CPED1: variants seen among roughly 807,000 people sequenced by gnomAD.
The protein encoded by CPED1 is cadherin-like and PC-esterase domain-containing protein 1.
In CPED1, 114 loss-of-function variants were observed where a neutral mutation model predicts 128.2. That is an observed-to-expected ratio of 0.89 (90% CI 0.76 to 1.04). The LOEUF (loss-of-function observed/expected upper bound fraction) is 1.04. Ranked by LOEUF, CPED1 falls within the 50% of genes least tolerant of loss-of-function variation. The probability of loss-of-function intolerance (pLI) is 0.00; values close to 1 mark genes in which losing one functional copy is unlikely to be tolerated. For synonymous variants in CPED1, 462 were observed against 426.7 expected (o/e 1.08, Z -1.02); for missense variants, 1,211 against 1,207.1 (o/e 1.00, Z -0.05).
chr7:121,078,518 A>C (rs1794195705), intron 5 of CPED1, among the ~76,000 whole-genome samples: 1 of 106,530 alleles, frequency 9.4e-6, no homozygotes, highest in East Asian at 3.5e-4. Context: ...AAAAAAAAAA[A>C]AAAAAAAGAC....
intron 18 of CPED1, 87 bp from the exon 19 acceptor site, chr7:121,266,140 G>A (rs1792117909): frequency 2.0e-6 from 2 of 979,530 alleles, no homozygotes; most frequent in Admixed American, 1.8e-5. Flanking sequence ...GTAGTAGTGT[G>A]AATATTCAAA....
chr7:121,127,308 A>G (rs756701121), intron 10 of CPED1, 51 bp downstream of exon 10: 2 of 1,175,576 alleles, frequency 1.7e-6, no homozygotes, highest in Admixed American at 4.6e-5. Flanking sequence ...CATTCCTTAG[A>G]AGGTGTCATT....
At chr7:121,200,797 C>G (rs764704034) in intron 16 of CPED1, among the ~76,000 whole-genome samples, 1 of 152,070 alleles carries the variant, frequency 6.6e-6, no homozygotes, top group Non-Finnish European at 1.5e-5. Flanking sequence ...ACAAACTTCT[C>G]TAGCCCAAGA....
At chr7:121,073,472 T>C (rs1344250115) in intron 5 of CPED1, among the ~76,000 whole-genome samples, 1 of 152,182 alleles carries the variant, frequency 6.6e-6, no homozygotes, top group African/African-American at 2.4e-5. Context: ...CTTTTTTGCT[T>C]TTTCATTTCT....
rs116212998 is a variant in CPED1, at chr7:121,231,107, A to G, written c.2056-5607A>G. Among the ~76,000 whole-genome samples the G allele has an allele frequency of 7.0e-3, 1,065 of 152,200 alleles. 12 individuals carry two copies. Among genetic ancestry groups the G allele is most frequent in the African/African-American group, 0.025 (1,023 of 41,546 alleles). Reference sequence around the variant, plus strand: ...AATGCAAAGTAAGAGCACTAAGGGCATGACTATAGAAAAGGTCAGACCTTA... The same window carrying G: ...AATGCAAAGTAAGAGCACTAAGGGCGTGACTATAGAAAAGGTCAGACCTTA... On this transcript the variant is annotated intron_variant, in intron 16 of 22. Coordinates refer to ENST00000310396, the MANE Select transcript of CPED1 (RefSeq NM_024913.5).
chr7:121,122,200 G>T (rs546541387), intron 7 of CPED1, among the ~76,000 whole-genome samples: 1 of 140,062 alleles, frequency 7.1e-6, no homozygotes, highest in Admixed American at 7.7e-5. Flanking sequence ...CAGTGCATTG[G>T]TGTGATCTCG....
At chr7:121,220,035 T>G (rs1007365647) in intron 16 of CPED1, among the ~76,000 whole-genome samples, 7 of 152,178 alleles carry the variant, frequency 4.6e-5, no homozygotes, top group Middle Eastern at 3.4e-3. Context: ...TTCCTACTCC[T>G]CAGTAAAGAT....
At chr7:120,996,924 T>C (rs1295867518) in intron 2 of CPED1, among the ~76,000 whole-genome samples, 1 of 152,184 alleles carries the variant, frequency 6.6e-6, no homozygotes, top group African/African-American at 2.4e-5. Context: ...GCGCACTCAA[T>C]TGAGTAGAAA....
intron 16 of CPED1, among the ~76,000 whole-genome samples, chr7:121,214,158 G>A (rs1024834864): frequency 3.9e-5 from 6 of 152,046 alleles, no homozygotes; most frequent in African/African-American, 1.4e-4. Flanking sequence ...CTACAGAAGT[G>A]ATGTATTTCT....
intron 3 of CPED1, among the ~76,000 whole-genome samples, chr7:121,029,507 T>C (rs1291545599): frequency 6.6e-6 from 1 of 152,204 alleles, no homozygotes; most frequent in Non-Finnish European, 1.5e-5. Context: ...ATGCTGGGAA[T>C]GCTGGAATGG....
chr7:121,236,602 G>A, intron 16 of CPED1, 112 bp from the exon 17 acceptor site: 1 of 526,204 alleles, frequency 1.9e-6, no homozygotes, highest in East Asian at 3.2e-5. Context: ...AGGAATATTT[G>A]CTCCCTTTTA....
At chr7:121,105,265 G>A (rs1378486578) in intron 7 of CPED1, among the ~76,000 whole-genome samples, 1 of 152,100 alleles carries the variant, frequency 6.6e-6, no homozygotes, top group Non-Finnish European at 1.5e-5. Context: ...AGCCTCATTT[G>A]TCGTCAATAT....
chr7:121,025,255 T>G (rs1024140012), intron 3 of CPED1, among the ~76,000 whole-genome samples: 16 of 152,108 alleles, frequency 1.1e-4, no homozygotes, highest in African/African-American at 3.9e-4. Context: ...TAGAAATTTT[T>G]TCTTAGCAAT....
intron 3 of CPED1, among the ~76,000 whole-genome samples, chr7:121,041,128 CTA>C (rs1426572266): frequency 4.6e-5 from 7 of 151,994 alleles, no homozygotes; most frequent in Admixed American, 4.6e-4. Flanking sequence ...GTTTTTCTTA[CTA>C]TTATTCTATT....
chr7:121,134,462 G>A (rs1335198261), intron 13 of CPED1, among the ~76,000 whole-genome samples: 2 of 152,018 alleles, frequency 1.3e-5, no homozygotes, highest in African/African-American at 4.8e-5. Context: ...GGGAGGGTAG[G>A]AAGGGAAGGA....
intron 17 of CPED1, among the ~76,000 whole-genome samples, chr7:121,242,524 T>C (rs1416787608): frequency 3.3e-5 from 5 of 152,224 alleles, no homozygotes; most frequent in Admixed American, 3.3e-4. Flanking sequence ...GTATTAAACT[T>C]AAATCCTTCT....
At chr7:121,263,084 C>T (rs902582943) in intron 18 of CPED1, among the ~76,000 whole-genome samples, 2 of 151,990 alleles carry the variant, frequency 1.3e-5, no homozygotes, top group East Asian at 1.9e-4. Context: ...GAGATATTTG[C>T]GATTTAGAAG....
At chr7:121,270,077 G>A (rs2116753550) in intron 21 of CPED1, among the ~76,000 whole-genome samples, 1 of 152,082 alleles carries the variant, frequency 6.6e-6, no homozygotes, top group East Asian at 1.9e-4. Flanking sequence ...TGTGGGGAGG[G>A]CACAGAGCCG....
chr7:121,073,446 C>G (rs1024228289), intron 5 of CPED1, among the ~76,000 whole-genome samples: 1 of 152,114 alleles, frequency 6.6e-6, no homozygotes, highest in Non-Finnish European at 1.5e-5. Flanking sequence ...CAAAGTATAT[C>G]ATAATTTCTG....
Sources: gnomAD v4.1 joint callset for allele counts (sites outside exome capture counted in the v4.1 genomes callset) on GRCh38, gnomAD v4.1.1 for gene constraint, MANE v1.5 for transcripts, NCBI Gene and HGNC (gene_info 2026-07-23, HGNC 2026-07-21) for gene names.